The following MPRIP variants were observed in gnomAD, a reference collection of about 807,000 sequenced individuals.
MPRIP encodes the protein myosin phosphatase Rho interacting protein.
In MPRIP, 59 loss-of-function variants were observed where a neutral mutation model predicts 234.9. That is an observed-to-expected ratio of 0.25 (90% confidence interval 0.20 to 0.31). MPRIP has a LOEUF of 0.31. Ranked by LOEUF, MPRIP falls within the 10% of genes least tolerant of loss-of-function variation. MPRIP has a pLI of 1.00. For missense variants in MPRIP, 2,436 were observed against 3,071.0 expected (o/e 0.79, Z 4.89); for synonymous variants, 1,144 against 1,263.9 (o/e 0.91, Z 2.01).
chr17:17,096,950 A>C, intron 3 of MPRIP: 1 of 387,454 alleles, frequency 2.6e-6, no homozygotes, highest in African/African-American at 2.1e-5. Context: ...CAGCCATCGC[A>C]GGGAGCATAA....
At chr17:17,160,229 G>C (rs1183299207) in intron 14 of MPRIP, among the ~76,000 whole-genome samples, 1 of 152,244 alleles carries the variant, frequency 6.6e-6, no homozygotes, top group African/African-American at 2.4e-5. Flanking sequence ...AGCTGGGCAT[G>C]GTGGTGCATT....
intron 1 of MPRIP, among the ~76,000 whole-genome samples, chr17:17,065,282 A>T (rs572358624): frequency 6.6e-6 from 1 of 152,174 alleles, no homozygotes; most frequent in Non-Finnish European, 1.5e-5. Flanking sequence ...GTGCAGAGCA[A>T]AAGTTTTTAA....
At chr17:17,115,334 G>A (rs919112026) in intron 3 of MPRIP, among the ~76,000 whole-genome samples, 4 of 152,226 alleles carry the variant, frequency 2.6e-5, no homozygotes, top group African/African-American at 4.8e-5. Flanking sequence ...TGATGGAGGC[G>A]GCATGCTGTG....
intron 12 of MPRIP, among the ~76,000 whole-genome samples, chr17:17,153,020 C>T (rs1377441212): frequency 6.6e-6 from 1 of 152,192 alleles, no homozygotes; most frequent in African/African-American, 2.4e-5. Flanking sequence ...CTGGAGAAAA[C>T]AGCTGTATGT....
At chr17:17,152,275 A>G (rs1356537462) in intron 12 of MPRIP, among the ~76,000 whole-genome samples, 2 of 152,256 alleles carry the variant, frequency 1.3e-5, no homozygotes, top group East Asian at 1.9e-4. Flanking sequence ...GTAGGCGGGC[A>G]TAGTGCCCGG....
chr17:17,057,731 T>C, intron 1 of MPRIP: 1 of 717,450 alleles, frequency 1.4e-6, no homozygotes, highest in Non-Finnish European at 2.6e-6. Context: ...TGGCATCAGC[T>C]ATGAGACCAC....
rs1263877723 is a variant in MPRIP, at chr17:17,190,566, G to A, written c.*5672G>A. 6.6e-6 allele frequency: 1 copy of A among 152,206 alleles called. No homozygotes were observed. The highest frequency in any genetic ancestry group is 1.5e-5 in the Non-Finnish European group (1 of 68,040). The allele number at this position is 152,206 out of a possible 1,614,324, so 9.4% of individuals were successfully genotyped here. ...AGTTATCTCAAATTTTGTCTGCCAG[G>A]GACAAGACCCTGTTCATTCTTTTGC... is the stretch of plus-strand genomic sequence containing the variant. On this transcript the variant is annotated 3_prime_UTR_variant, in exon 24 of 24. Coordinates refer to ENST00000651222, the MANE Select transcript of MPRIP (RefSeq NM_001364716.4).
At position 17,165,571 on chromosome 17, in the gene MPRIP, T is replaced by C; in HGVS notation, c.3980T>C (p.Ile1327Thr). 1 of 1,304,608 alleles carries C rather than the reference T, an allele frequency of 7.7e-7. No homozygotes were observed. The allele number at this position is 1,304,608 out of a possible 1,614,324, so 80.8% of individuals were successfully genotyped here. The change falls in exon 16 of 24, where the codon ATC (isoleucine) becomes ACC (threonine). Residue 1327 changes from isoleucine (I) to threonine (T), a missense_variant. Ile to Thr is a moderately conservative substitution (Grantham distance 89, BLOSUM62 -1). Transcript: ENST00000651222. ...VKRQRIRFST[I>T]QCQRYIHPEG... ...AGGCAAAGAATCCGGTTCTCCACAA[T>C]CCAGTGCCAAAGATACATTCACCCC...
chr17:17,131,877 G>A (rs536110839), intron 5 of MPRIP, among the ~76,000 whole-genome samples, 176 bp downstream of exon 5: 10 of 152,336 alleles, frequency 6.6e-5, no homozygotes, highest in African/African-American at 2.4e-4. Flanking sequence ...GAGCCACAGG[G>A]GAACCACAAC....
intron 3 of MPRIP, among the ~76,000 whole-genome samples, chr17:17,107,129 C>T (rs1416111099): frequency 6.6e-6 from 1 of 152,226 alleles, no homozygotes; most frequent in Non-Finnish European, 1.5e-5. Flanking sequence ...GGAAACGTAG[C>T]CTGGAGGGTG....
intron 1 of MPRIP, chr17:17,057,529 G>A (rs1868605526): frequency 1.4e-6 from 1 of 702,934 alleles, no homozygotes; most frequent in African/African-American, 1.8e-5. Flanking sequence ...AGGGCCCACA[G>A]AGCCCCACAG....
In MPRIP at chr17:17,164,467, T is replaced by C; in HGVS notation, c.2876T>C (p.Leu959Pro). 1 of 1,231,716 alleles carries C rather than the reference T, an allele frequency of 8.1e-7. No homozygotes were observed. Among genetic ancestry groups the C allele is most frequent in the Non-Finnish European group, 1.0e-6 (1 of 959,496 alleles). 76.3% of individuals were successfully genotyped at this position (1,231,716 alleles called of 1,614,324 possible). The change falls in exon 16 of 24, where the codon CTC becomes CCC. Residue 959 changes from leucine to proline, a missense_variant. By Grantham distance (98) the Leu-to-Pro change is moderately conservative. Around this residue, in one of 4 missense-constraint regions of MPRIP, gnomAD observed 1,998 missense variants for 2,520.3 expected, o/e 0.79. Transcript: ENST00000651222. ...CAGCTGAGGGCTAGCGAGCAGAAGC[T>C]CAAGAGTGCTGAGGCCCTGCTGCTG... ...SSQLRASEQK[L>P]KSAEALLLEK...
At position 17,165,812 on chromosome 17, in the gene MPRIP, G is replaced by C. The variant is rs1381596441; in HGVS notation, c.4221G>C (p.Gln1407His). 7.7e-7 allele frequency: 1 copy of C among 1,304,312 alleles called. No homozygotes were observed. The highest frequency in any genetic ancestry group is 2.3e-5 in the Admixed American group (1 of 43,580). 80.8% of individuals were successfully genotyped at this position (1,304,312 alleles called of 1,614,324 possible). A position where few individuals can be genotyped will look rare whatever the true frequency, so the allele number is the denominator to read the frequency against. Reference sequence around the variant, plus strand: ...ACGTGACCGTGAGGCTGGAGAGCCAGCAGGGTCAGAGCCGTGAGGCACTGC... The same window carrying C: ...ACGTGACCGTGAGGCTGGAGAGCCACCAGGGTCAGAGCCGTGAGGCACTGC... ...LKDVTVRLES[Q>H]QGQSREALLA... The change falls in exon 16 of 24, where the codon CAG becomes CAC. Residue 1407 changes from glutamine to histidine, a missense_variant. Transcript: ENST00000651222.
chr17:17,145,458 G>T (rs1297044557), intron 9 of MPRIP, among the ~76,000 whole-genome samples: 1 of 152,236 alleles, frequency 6.6e-6, no homozygotes, highest in African/African-American at 2.4e-5. Flanking sequence ...GGAAGGACAA[G>T]AGCGCTGTGC....
At chr17:17,100,459 G>A (rs1819968022) in intron 3 of MPRIP, among the ~76,000 whole-genome samples, 1 of 152,184 alleles carries the variant, frequency 6.6e-6, no homozygotes, top group African/African-American at 2.4e-5. Flanking sequence ...TTTCAGTTCT[G>A]CCATCTGTTG....
intron 23 of MPRIP, among the ~76,000 whole-genome samples, chr17:17,183,840 A>G (rs2144725537): frequency 6.6e-6 from 1 of 152,326 alleles, no homozygotes; most frequent in Non-Finnish European, 1.5e-5. Flanking sequence ...TTTTTGGTTG[A>G]AACTGGTAGA....
chr17:17,075,931 A>C lies in MPRIP; in HGVS notation c.201+144A>C, dbSNP rs1276615184. On this transcript the variant is annotated intron_variant, in intron 2 of 23. Transcript: ENST00000651222. ...CCAGCAGGGCTCCCCCATTTGGTGC[A>C]CTTGTACGTTGTACAGAAAAGGTCT... 27 of 727,376 alleles carry C rather than the reference A, an allele frequency of 3.7e-5. 1 individual carries two copies. In the East Asian group the frequency reaches 5.7e-4, roughly 15 times the overall value. 45.1% of individuals were successfully genotyped at this position (727,376 alleles called of 1,614,324 possible). A position where few individuals can be genotyped will look rare whatever the true frequency, so the allele number is the denominator to read the frequency against.
chr17:17,047,459 T>C (rs1484381605), intron 1 of MPRIP, among the ~76,000 whole-genome samples: 1 of 152,232 alleles, frequency 6.6e-6, no homozygotes, highest in African/African-American at 2.4e-5. Flanking sequence ...TAAAATAATT[T>C]CTCATATTCT....
rs553534921 is a variant in MPRIP at position 17,165,840 on chromosome 17, G to A, written c.4249G>A (p.Ala1417Thr). The A allele has an allele frequency of 1.3e-4, 174 of 1,304,278 alleles. No individual in the cohort carries two copies. Among genetic ancestry groups the A allele is most frequent in the Middle Eastern group, 8.5e-4 (4 of 4,698 alleles). The allele number at this position is 1,304,278 out of a possible 1,614,324, so 80.8% of individuals were successfully genotyped here. The change falls in exon 16 of 24, where the codon GCA becomes ACA. Residue 1417 changes from alanine to threonine, a missense_variant. Ala to Thr is a moderately conservative substitution (Grantham distance 58, BLOSUM62 0). Around this residue, in one of 4 missense-constraint regions of MPRIP, gnomAD observed 1,998 missense variants for 2,520.3 expected, o/e 0.79. Transcript: ENST00000651222. ...QQGQSREALL[A>T]LHHQWAGTEA... ...GGGTCAGAGCCGTGAGGCACTGCTC[G>A]CACTGCACCACCAGTGGGCGGGCAC...
Sources: allele counts gnomAD v4.1 joint callset (sites outside exome capture counted in the v4.1 genomes callset), GRCh38; gene constraint gnomAD v4.1.1; regional missense constraint gnomAD v4.1.1; transcripts MANE v1.5; gene names NCBI Gene and HGNC (gene_info 2026-07-23, HGNC 2026-07-21).